The following STAM variants were observed in gnomAD, a reference collection of about 807,000 sequenced individuals.
STAM encodes signal transducing adaptor molecule.
Under a neutral mutation model 63.4 loss-of-function variants are expected in STAM, and 16 were observed. That is an observed-to-expected ratio of 0.25 (90% CI 0.17 to 0.38). The LOEUF (loss-of-function observed/expected upper bound fraction) is 0.38, where lower values mean the gene tolerates loss of function less well. Ranked by LOEUF, STAM falls within the 10% of genes least tolerant of loss-of-function variation. STAM has a pLI of 1.00. For missense variants in STAM, 636 were observed against 657.1 expected (o/e 0.97, Z 0.35); for synonymous variants, 238 against 223.9 (o/e 1.06, Z -0.56).
At chr10:17,656,139 A>G (rs1404042117) in intron 1 of STAM, among the ~76,000 whole-genome samples, 1 of 151,832 alleles carries the variant, frequency 6.6e-6, no homozygotes, top group Non-Finnish European at 1.5e-5. Flanking sequence ...TAAAAATACA[A>G]AAAAATTAGC....
chr10:17,703,011 AAAAAAAAAAAAAAAAAG>A (rs1836076273), intron 9 of STAM, among the ~76,000 whole-genome samples: 1 of 134,956 alleles, frequency 7.4e-6, no homozygotes. Flanking sequence ...TCCATCTCAA[AAAAAAAAAAAAAAAAAG>A]AAAAGAAAAG....
chr10:17,685,392 T>A (rs1053885885), intron 4 of STAM, among the ~76,000 whole-genome samples: 8 of 152,152 alleles, frequency 5.3e-5, no homozygotes, highest in African/African-American at 1.9e-4. Context: ...AACCCACAGC[T>A]GGAGTTGCCT....
intron 4 of STAM, among the ~76,000 whole-genome samples, chr10:17,687,423 A>G (rs1007947040): frequency 5.3e-5 from 8 of 152,200 alleles, no homozygotes; most frequent in Admixed American, 3.9e-4. Context: ...TGGGAGGCGG[A>G]GGTTGCAGTG....
intron 13 of STAM, among the ~76,000 whole-genome samples, chr10:17,711,212 T>G (rs1564575617): frequency 1.3e-5 from 2 of 152,238 alleles, no homozygotes; most frequent in Admixed American, 1.3e-4. Context: ...TCACTGTTTT[T>G]CAGACTTCTG....
At chr10:17,669,884 C>CTTTTTTTTTTTTTTTTTTTTT (rs76381388) in intron 2 of STAM, among the ~76,000 whole-genome samples, 1 of 120,768 alleles carries the variant, frequency 8.3e-6, no homozygotes, top group Non-Finnish European at 1.7e-5. Flanking sequence ...CTTTTCTTTT[C>CTTTTTTTTTTTTTTTTTTTTT]TTTTTTTTTT....
rs782062008 is a variant in STAM, at chr10:17,660,460, A to G, written c.41-4A>G. The G allele has an allele frequency of 1.6e-5, 26 of 1,579,260 alleles. No individual in the cohort carries two copies. The highest frequency in any genetic ancestry group is 7.6e-5 in the Admixed American group (4 of 52,732). On this transcript the variant is annotated splice_polypyrimidine_tract_variant and splice_region_variant and intron_variant, in intron 1 of 13. Transcript: ENST00000377524. ...GTTTCTGCAATCCCCTTTACAATCT[A>G]CAGAGAAAGCAACCAGCGAGATGAA...
intron 13 of STAM, among the ~76,000 whole-genome samples, chr10:17,711,964 T>G (rs1303102630): frequency 1.3e-5 from 2 of 152,162 alleles, no homozygotes; most frequent in Admixed American, 1.3e-4. Flanking sequence ...TTGGAAAGAG[T>G]TATTTAGGAG....
chr10:17,662,373 A>G (rs2357291), intron 2 of STAM, among the ~76,000 whole-genome samples: 17,536 of 152,120 alleles, frequency 0.12, 1,109 homozygotes, highest in Middle Eastern at 0.16. Flanking sequence ...TTCAGACCCA[A>G]TGTAGATACC....
intron 2 of STAM, among the ~76,000 whole-genome samples, chr10:17,684,317 C>T (rs1165708607): frequency 6.6e-6 from 1 of 152,120 alleles, no homozygotes; most frequent in Non-Finnish European, 1.5e-5. Flanking sequence ...TGTGGAAAAT[C>T]TGTTTTTCCA....
At chr10:17,691,435 G>A (rs1835529589) in intron 5 of STAM, among the ~76,000 whole-genome samples, 1 of 152,134 alleles carries the variant, frequency 6.6e-6, no homozygotes, top group Non-Finnish European at 1.5e-5. Flanking sequence ...GGAGAATGGT[G>A]TGAACCCGGG....
chr10:17,714,672 GC>G lies in STAM; in HGVS notation c.1519del (p.Gln507ArgfsTer7). On this transcript the variant is annotated frameshift_variant, in exon 14 of 14. Transcript: ENST00000377524. LOFTEE classifies it high-confidence loss of function. ...TLYQNAGPNM[P>X]QVPNYNLTSS... The stretch of plus-strand genomic sequence containing the variant: ...TGTACCAGAATGCAGGACCTAATAT[GC>G]CCCAGGTGCCAAACTATAACTTAAC... 2 of 1,614,052 alleles carry G rather than the reference GC, an allele frequency of 1.2e-6. No homozygotes were observed. Among genetic ancestry groups the G allele is most frequent in the Non-Finnish European group, 1.7e-6 (2 of 1,180,022 alleles).
At chr10:17,703,403 CT>C (rs1836107218) in intron 9 of STAM, among the ~76,000 whole-genome samples, 1 of 151,016 alleles carries the variant, frequency 6.6e-6, no homozygotes. Context: ...AGCTATTTTC[CT>C]TTTACACAGA....
In STAM at chr10:17,669,354, GT is replaced by G. The variant is rs1221257779; in HGVS notation, c.125+8821del. On this transcript the variant is annotated intron_variant, in intron 2 of 13. Coordinates refer to ENST00000377524, the MANE Select transcript of STAM (RefSeq NM_003473.4). ...ACATTTGGTAGGATATGGTCTTGAGGTTTTTTTTTTTTTTTCCGGAAATGTT... is the reference window on the plus strand; with the variant it reads ...ACATTTGGTAGGATATGGTCTTGAGGTTTTTTTTTTTTTTCCGGAAATGTT... 5.5e-3 allele frequency among the ~76,000 whole-genome samples: 742 copies of G among 135,230 alleles called. 5 individuals are homozygous for G. Among genetic ancestry groups the G allele is most frequent in the African/African-American group, 0.016 (614 of 37,228 alleles). The allele number at this position is 135,230 out of a possible 152,430, so 88.7% of individuals were successfully genotyped here.
At position 17,683,119 on chromosome 10, in the gene STAM, G is replaced by A. The variant is rs199630448; in HGVS notation, c.126-1556G>A. On this transcript the variant is annotated intron_variant, in intron 2 of 13. Coordinates refer to ENST00000377524, the MANE Select transcript of STAM (RefSeq NM_003473.4). ...TATGTTTCTTCTGTTTTCTCTTTCT[G>A]TCTTTTGTGTATCAATCAAATGGTT... Among the ~76,000 whole-genome samples the A allele has an allele frequency of 6.6e-5, 10 of 152,004 alleles. No individual in the cohort carries two copies. In the East Asian group the frequency reaches 1.7e-3, roughly 26 times the overall value.
intron 7 of STAM, 129 bp downstream of exon 7, chr10:17,695,370 G>T (rs1835714183): frequency 1.2e-6 from 1 of 818,164 alleles, no homozygotes; most frequent in Non-Finnish European, 1.8e-6. Context: ...CTGTATGACA[G>T]TTGGCTGATT....
intron 9 of STAM, among the ~76,000 whole-genome samples, chr10:17,703,042 A>G (rs963362173): frequency 6.6e-6 from 1 of 151,290 alleles, no homozygotes; most frequent in Non-Finnish European, 1.5e-5. Flanking sequence ...AGAAAAGAAA[A>G]GAAAAGAAAA....
chr10:17,701,088 C>T (rs1835974238), intron 9 of STAM, among the ~76,000 whole-genome samples: 1 of 152,134 alleles, frequency 6.6e-6, no homozygotes, highest in African/African-American at 2.4e-5. Context: ...CTTGGTGACA[C>T]ACCATACTTT....
chr10:17,664,929 A>C (rs1428917151), intron 2 of STAM, among the ~76,000 whole-genome samples: 1 of 152,188 alleles, frequency 6.6e-6, no homozygotes, highest in Non-Finnish European at 1.5e-5. Flanking sequence ...TTAAATCAAA[A>C]TGATTTGTAA....
At chr10:17,703,526 G>A (rs1836113709) in intron 9 of STAM, among the ~76,000 whole-genome samples, 1 of 152,118 alleles carries the variant, frequency 6.6e-6, no homozygotes, top group South Asian at 2.1e-4. Flanking sequence ...ATGGAGAAAG[G>A]TTTGTAATTA....
Sources: gnomAD v4.1 joint callset for allele counts (sites outside exome capture counted in the v4.1 genomes callset) on GRCh38, gnomAD v4.1.1 for gene constraint, MANE v1.5 for transcripts, NCBI Gene and HGNC (gene_info 2026-07-23, HGNC 2026-07-21) for gene names.